The following PLEKHH1 variants were observed in gnomAD, a reference collection of about 807,000 sequenced individuals.
PLEKHH1 encodes the protein pleckstrin homology domain-containing family H member 1.
A neutral mutation model predicts 160.0 loss-of-function variants in PLEKHH1; 104 were observed. That is an observed-to-expected ratio of 0.65 (90% confidence interval 0.55 to 0.76). PLEKHH1 has a LOEUF of 0.76. PLEKHH1 is among the 30% of genes least tolerant of loss of function. PLEKHH1 has a pLI of 0.00. For missense variants in PLEKHH1, 1,427 were observed against 1,724.1 expected (o/e 0.83, Z 3.05); for synonymous variants, 619 against 678.4 (o/e 0.91, Z 1.36).
intron 1 of PLEKHH1, among the ~76,000 whole-genome samples, chr14:67,537,926 CTA>C (rs887719862): frequency 6.6e-6 from 1 of 152,194 alleles, no homozygotes; most frequent in African/African-American, 2.4e-5. Flanking sequence ...GGTATCAAGA[CTA>C]TGGCAGTTTT....
intron 28 of PLEKHH1, chr14:67,586,641 T>C (rs1405840073): frequency 1.8e-5 from 8 of 436,814 alleles, no homozygotes; most frequent in Non-Finnish European, 2.8e-5. Context: ...AAAGGCTAAG[T>C]TCTGATTTAT....
At chr14:67,565,437 G>T (rs957879464) in intron 7 of PLEKHH1, among the ~76,000 whole-genome samples, 5 of 152,122 alleles carry the variant, frequency 3.3e-5, no homozygotes, top group African/African-American at 1.2e-4. Context: ...TAGGGATGGA[G>T]TATCCCTATG....
rs773885595 is a variant in PLEKHH1, at chr14:67,562,598, G to A, written c.967G>A (p.Asp323Asn). 2 of 1,612,854 alleles carry A rather than the reference G, an allele frequency of 1.2e-6. No homozygotes were observed. The highest frequency in any genetic ancestry group is 1.1e-5 in the South Asian group (1 of 90,810). ...PKVRAPGTPR[D>N]SIQLAKRHHS... ...GGTGCGGGCTCCTGGCACCCCGCGG[G>A]ACAGCATCCAGTTGGCCAAAAGGCA... The change falls in exon 7 of 29, where the codon GAC becomes AAC. Residue 323 changes from aspartate to asparagine, a missense_variant. Physicochemically the swap from Asp to Asn is conservative, Grantham distance 23. Around this residue, in one of 6 missense-constraint regions of PLEKHH1, gnomAD observed 831 missense variants for 929.2 expected, o/e 0.89. Transcript: ENST00000329153.
rs756130805 is a variant in PLEKHH1 at position 67,578,049 on chromosome 14, G to A, written c.2601G>A (p.Pro867=). ...FKSCQLFINV[P]VEAASVDYHV... ...CCTGCCAGCTCTTCATCAACGTGCC[G>A]GTGGAAGCTGCCTCGGTGGACTACC... The change falls in exon 19 of 29, where the codon CCG becomes CCA. Residue 867 remains proline (P), a synonymous_variant. Transcript: ENST00000329153. The surrounding 1 kb of genome is among the most constrained non-coding windows in gnomAD (Gnocchi z 5.0). The A allele has an allele frequency of 1.3e-5, 21 of 1,613,712 alleles. No homozygotes were observed. The highest frequency in any genetic ancestry group is 4.5e-5 in the East Asian group (2 of 44,898).
At chr14:67,541,699 A>ATTCTCTTCCCCAGCCCTGTT in intron 1 of PLEKHH1, 135 bp from the exon 2 acceptor site, 2 of 573,164 alleles carry the variant, frequency 3.5e-6, no homozygotes, top group South Asian at 2.5e-5. Flanking sequence ...TCAGTGACCA[A>ATTCTCTTCCCCAGCCCTGTT]TTCTCTTCCC....
chr14:67,577,746 G>A (rs1015089157), intron 18 of PLEKHH1, among the ~76,000 whole-genome samples: 2 of 152,122 alleles, frequency 1.3e-5, no homozygotes, highest in African/African-American at 4.8e-5. Context: ...CTTTGTGAAT[G>A]TTTGAGTTTT....
At chr14:67,579,661 A>C in intron 21 of PLEKHH1, 60 bp from the exon 22 acceptor site, 1 of 1,533,782 alleles carries the variant, frequency 6.5e-7, no homozygotes, top group Non-Finnish European at 8.9e-7. Context: ...CACCTCCACC[A>C]GCCCTAGTGA....
Position 67,578,104 on chromosome 14 carries a change from G to A in PLEKHH1, c.2656G>A (p.Val886Ile). 1 of 1,613,816 alleles carries A rather than the reference G, an allele frequency of 6.2e-7. No homozygotes were observed. Among genetic ancestry groups the A allele is most frequent in the Non-Finnish European group, 8.5e-7 (1 of 1,179,790 alleles). The change falls in exon 19 of 29, where the codon GTC becomes ATC. Residue 886 changes from valine (V) to isoleucine (I), a missense_variant. This residue lies in a region of PLEKHH1 where 436 missense variants were observed against 607.5 expected (regional missense o/e 0.72). Transcript: ENST00000329153. This position sits in a 1 kb window ranked among gnomAD's most constrained non-coding sequence, Gnocchi z 5.0. ...GTCCCTGGCCCAGACCGCACTGCAG[G>A]TCTGCCTGGTTCACCCCGAGCTGCA... ...HVSLAQTALQ[V>I]CLVHPELQSE... is the part of the protein sequence containing the mutation.
At chr14:67,586,902 G>C (rs2036194621) in intron 28 of PLEKHH1, 172 bp from the exon 29 acceptor site, 1 of 1,532,584 alleles carries the variant, frequency 6.5e-7, no homozygotes, top group African/African-American at 1.4e-5. Context: ...CACACCACTG[G>C]GCCTCTGAAC....
At chr14:67,551,762 G>A (rs375280690) in intron 2 of PLEKHH1, among the ~76,000 whole-genome samples, 6 of 152,088 alleles carry the variant, frequency 3.9e-5, no homozygotes, top group African/African-American at 1.4e-4. Context: ...GGTGGTGCAC[G>A]TTTGTAATCA....
Position 67,574,363 on chromosome 14 carries a change from G to T in PLEKHH1, c.2048G>T (p.Arg683Leu). The change falls in exon 14 of 29, where the codon CGG (arginine) becomes CTG (leucine). Residue 683 changes from arginine (R) to leucine (L), a missense_variant. Arg to Leu is a moderately radical substitution (Grantham distance 102). Coordinates refer to ENST00000329153, the MANE Select transcript of PLEKHH1 (RefSeq NM_020715.3). The surrounding 1 kb of genome is among the most constrained non-coding windows in gnomAD (Gnocchi z 4.2). The stretch of plus-strand genomic sequence containing the variant: ...GCCACCGGGCCTCCAGCTCTGCTTC[G>T]GGGTGGCACCAAGCCCACCGTGAAG... ...VQATGPPALL[R>L]GGTKPTVKGW... 1 of 1,592,798 alleles carries T rather than the reference G, an allele frequency of 6.3e-7. No individual in the cohort carries two copies. The highest frequency in any genetic ancestry group is 8.6e-7 in the Non-Finnish European group (1 of 1,169,532).
chr14:67,537,176 C>G (rs2033757575), intron 1 of PLEKHH1, among the ~76,000 whole-genome samples: 1 of 144,118 alleles, frequency 6.9e-6, no homozygotes, highest in African/African-American at 2.6e-5. Context: ...GAAACCCTGT[C>G]TTTACAAAAA....
chr14:67,541,931 G>C lies in PLEKHH1; in HGVS notation c.64G>C (p.Glu22Gln). The C allele has an allele frequency of 2.5e-6, 4 of 1,606,932 alleles. No individual in the cohort carries two copies. Among genetic ancestry groups the C allele is most frequent in the Non-Finnish European group, 3.4e-6 (4 of 1,176,930 alleles). ...CTGGCAGAAACGCTGCCTGACCCTG[G>C]AAACTCAGCTTTTCCGGTTCCGCCT... is the stretch of plus-strand genomic sequence containing the variant. ...VDWQKRCLTL[E>Q]TQLFRFRLQA... The change falls in exon 2 of 29, where the codon GAA becomes CAA. Residue 22 changes from glutamate to glutamine, a missense_variant. Transcript: ENST00000329153.
intron 7 of PLEKHH1, among the ~76,000 whole-genome samples, chr14:67,564,402 A>G (rs1268173543): frequency 1.3e-5 from 2 of 152,200 alleles, no homozygotes; most frequent in African/African-American, 2.4e-5. Context: ...ACACAGATGA[A>G]GCATGACTGG....
chr14:67,575,163 G>A (rs375454437), intron 14 of PLEKHH1, among the ~76,000 whole-genome samples: 2 of 152,038 alleles, frequency 1.3e-5, no homozygotes, highest in Non-Finnish European at 2.9e-5. Context: ...CTGGCTAATC[G>A]TTTCATGGCA....
chr14:67,579,034 G>A, intron 20 of PLEKHH1, 100 bp from the exon 21 acceptor site: 5 of 782,342 alleles, frequency 6.4e-6, no homozygotes, highest in Non-Finnish European at 8.4e-6. Flanking sequence ...ACCTGCCCCA[G>A]CTACAGTTTT....
chr14:67,571,723 C>G, intron 9 of PLEKHH1, 29 bp from the exon 10 acceptor site: 3 of 1,603,692 alleles, frequency 1.9e-6, no homozygotes, highest in Non-Finnish European at 2.6e-6. Flanking sequence ...GCAGCCTGAG[C>G]TGCAGTGAGG....
chr14:67,560,130 G>T (rs545979718), intron 5 of PLEKHH1, among the ~76,000 whole-genome samples: 2 of 152,086 alleles, frequency 1.3e-5, no homozygotes, highest in Non-Finnish European at 2.9e-5. Context: ...GGGTTCAACC[G>T]ATTCTCGTGC....
intron 2 of PLEKHH1, among the ~76,000 whole-genome samples, chr14:67,543,320 G>C (rs1324921073): frequency 6.6e-6 from 1 of 152,178 alleles, no homozygotes; most frequent in Admixed American, 6.5e-5. Flanking sequence ...GGACTAGTCT[G>C]GACTAGAACT....
Sources: allele counts gnomAD v4.1 joint callset (sites outside exome capture counted in the v4.1 genomes callset), GRCh38; gene constraint gnomAD v4.1.1; regional missense constraint gnomAD v4.1.1; non-coding constraint Gnocchi (gnomAD v3.1); transcripts MANE v1.5; gene names NCBI Gene and HGNC (gene_info 2026-07-23, HGNC 2026-07-21).